The following MAPK8 variants were observed in gnomAD, a reference collection of about 807,000 sequenced individuals.
MAPK8 encodes the protein mitogen-activated protein kinase 8.
A neutral mutation model predicts 52.9 loss-of-function variants in MAPK8; 13 were observed. The observed-to-expected ratio is 0.25, with a 90% CI of 0.16 to 0.39. MAPK8 has a LOEUF of 0.39. MAPK8 is among the 10% of genes least tolerant of loss of function. The pLI is 1.00. For missense variants in MAPK8, 300 were observed against 519.2 expected (o/e 0.58, Z 4.10); for synonymous variants, 191 against 169.8 (o/e 1.12, Z -0.97).
chr10:48,425,091 C>A (rs1298729202), intron 7 of MAPK8: 2 of 688,342 alleles, frequency 2.9e-6, no homozygotes, highest in East Asian at 5.5e-5. Flanking sequence ...TGGATTCATA[C>A]TTTTTGTTCA....
At chr10:48,347,572 G>A (rs372609359) in intron 1 of MAPK8, among the ~76,000 whole-genome samples, 11 of 152,168 alleles carry the variant, frequency 7.2e-5, no homozygotes, top group South Asian at 6.2e-4. Flanking sequence ...AACAGGCCCC[G>A]GTGTGTGATG....
At chr10:48,327,859 G>C (rs1472472547) in intron 1 of MAPK8, among the ~76,000 whole-genome samples, 4 of 152,146 alleles carry the variant, frequency 2.6e-5, no homozygotes, top group African/African-American at 7.2e-5. Context: ...TTGGTAGATT[G>C]TGTCTTTCAC....
At chr10:48,344,087 A>G (rs1564508236) in intron 1 of MAPK8, among the ~76,000 whole-genome samples, 1 of 152,200 alleles carries the variant, frequency 6.6e-6, no homozygotes, top group Non-Finnish European at 1.5e-5. Flanking sequence ...TTACTTAAGG[A>G]ATGCAAATGA....
chr10:48,316,339 C>T (rs1399110163), intron 1 of MAPK8, among the ~76,000 whole-genome samples: 2 of 152,120 alleles, frequency 1.3e-5, no homozygotes, highest in African/African-American at 4.8e-5. Context: ...GTAGGCTACA[C>T]CATATTATAG....
intron 7 of MAPK8, among the ~76,000 whole-genome samples, chr10:48,424,740 C>T (rs2043572145): frequency 6.6e-6 from 1 of 151,946 alleles, no homozygotes; most frequent in South Asian, 2.1e-4. Flanking sequence ...CTTTTCCTTC[C>T]GTTATTTATT....
chr10:48,321,283 C>G (rs948658415), intron 1 of MAPK8, among the ~76,000 whole-genome samples: 1 of 151,966 alleles, frequency 6.6e-6, no homozygotes, highest in South Asian at 2.1e-4. Context: ...GAGATGGGGT[C>G]TCACTGTGCC....
intron 1 of MAPK8, among the ~76,000 whole-genome samples, chr10:48,368,283 A>G (rs1290132011): frequency 6.6e-6 from 1 of 152,212 alleles, no homozygotes; most frequent in Non-Finnish European, 1.5e-5. Flanking sequence ...AATTCAGGGT[A>G]ATACATGTGC....
chr10:48,401,570 C>A, intron 1 of MAPK8, 42 bp from the exon 2 acceptor site: 2 of 1,400,912 alleles, frequency 1.4e-6, no homozygotes, highest in African/African-American at 1.4e-5. Flanking sequence ...AAGATTAAAA[C>A]AAGTTCATTT....
intron 5 of MAPK8, among the ~76,000 whole-genome samples, chr10:48,411,556 A>G (rs1391664820): frequency 2.0e-5 from 3 of 152,192 alleles, no homozygotes; most frequent in African/African-American, 7.2e-5. Flanking sequence ...AGAAGTATCA[A>G]TTCTCCAGCT....
intron 1 of MAPK8, among the ~76,000 whole-genome samples, chr10:48,334,916 A>G (rs1015260465): frequency 2.0e-5 from 3 of 152,166 alleles, no homozygotes; most frequent in African/African-American, 4.8e-5. Flanking sequence ...GTCGAGTACT[A>G]TGGGGTTACA....
chr10:48,356,123 A>G (rs368142892), intron 1 of MAPK8, among the ~76,000 whole-genome samples: 5 of 152,378 alleles, frequency 3.3e-5, no homozygotes, highest in African/African-American at 1.2e-4. Flanking sequence ...ATCAAAAAGC[A>G]TAAGAGTAAT....
chr10:48,410,920 ATCT>A (rs1219154409), intron 5 of MAPK8, among the ~76,000 whole-genome samples: 1 of 152,188 alleles, frequency 6.6e-6, no homozygotes, highest in Admixed American at 6.5e-5. Flanking sequence ...CCATTTGTGT[ATCT>A]TCTTTGGAGA....
At chr10:48,399,971 A>G (rs2042076954) in intron 1 of MAPK8, among the ~76,000 whole-genome samples, 1 of 152,236 alleles carries the variant, frequency 6.6e-6, no homozygotes, top group African/African-American at 2.4e-5. Context: ...TTCCAGGATA[A>G]ATGTGTAGAA....
intron 1 of MAPK8, among the ~76,000 whole-genome samples, chr10:48,314,044 G>A (rs1842251774): frequency 2.6e-5 from 4 of 152,114 alleles, no homozygotes; most frequent in Admixed American, 2.6e-4. Context: ...TAACATCTTT[G>A]TGGTATTCCA....
intron 6 of MAPK8, among the ~76,000 whole-genome samples, chr10:48,421,735 T>G (rs1564614414): frequency 6.6e-6 from 1 of 151,764 alleles, no homozygotes; most frequent in Non-Finnish European, 1.5e-5. Context: ...ACCCGGGAGG[T>G]GGAGGTTACA....
chr10:48,366,105 A>T (rs1848003535), intron 1 of MAPK8, among the ~76,000 whole-genome samples: 1 of 152,130 alleles, frequency 6.6e-6, no homozygotes, highest in African/African-American at 2.4e-5. Flanking sequence ...TAATAAGAAA[A>T]GAACCCTAGG....
At chr10:48,434,805 G>A in intron 11 of MAPK8, 79 bp from the exon 12 acceptor site, 3 of 1,276,194 alleles carry the variant, frequency 2.4e-6, no homozygotes, top group South Asian at 1.9e-5. Flanking sequence ...AATTACCACT[G>A]GAGGCAGTCA....
chr10:48,374,584 C>G (rs2040536955), intron 1 of MAPK8, among the ~76,000 whole-genome samples: 1 of 152,146 alleles, frequency 6.6e-6, no homozygotes, highest in South Asian at 2.1e-4. Flanking sequence ...GAAATACCAA[C>G]TACCATCAGA....
chr10:48,433,437 G>C (rs1362026232), intron 11 of MAPK8, among the ~76,000 whole-genome samples: 5 of 152,102 alleles, frequency 3.3e-5, no homozygotes, highest in Non-Finnish European at 5.9e-5. Context: ...GTCAGAAAAG[G>C]CTCATTCCAA....
Sources: gnomAD v4.1 joint callset for allele counts (sites outside exome capture counted in the v4.1 genomes callset) on GRCh38, gnomAD v4.1.1 for gene constraint, MANE v1.5 for transcripts, NCBI Gene and HGNC (gene_info 2026-07-23, HGNC 2026-07-21) for gene names.